The following AQR variants were observed in gnomAD, a reference collection of about 807,000 sequenced individuals.
AQR encodes RNA helicase aquarius.
Under a neutral mutation model 180.5 loss-of-function variants are expected in AQR, and 61 were observed. That is an observed-to-expected ratio of 0.34 (90% CI 0.28 to 0.42). The LOEUF (loss-of-function observed/expected upper bound fraction) is 0.42. AQR is among the 10% of genes least tolerant of loss of function. The probability of loss-of-function intolerance (pLI) is 1.00; values close to 1 mark genes in which losing one functional copy is unlikely to be tolerated. For missense variants in AQR, 1,281 were observed against 1,798.3 expected (o/e 0.71, Z 5.20); for synonymous variants, 551 against 588.8 (o/e 0.94, Z 0.93).
At chr15:34,947,245 TC>T (rs1404401948) in intron 5 of AQR, among the ~76,000 whole-genome samples, 8 of 151,834 alleles carry the variant, frequency 5.3e-5, no homozygotes, top group Non-Finnish European at 1.2e-4. Context: ...ATGTGCTGTA[TC>T]CACTCAGGGT....
intron 17 of AQR, among the ~76,000 whole-genome samples, chr15:34,908,305 C>T (rs1893449754): frequency 2.0e-5 from 3 of 151,920 alleles, no homozygotes; most frequent in Non-Finnish European, 2.9e-5. Context: ...GGCGTGGTGG[C>T]GGGTGCCTGT....
intron 3 of AQR, among the ~76,000 whole-genome samples, chr15:34,953,172 T>C (rs1051374903): frequency 1.3e-5 from 2 of 152,228 alleles, no homozygotes; most frequent in African/African-American, 2.4e-5. Context: ...CATATCTATA[T>C]TGCAAATGTG....
At chr15:34,886,743 A>C in intron 24 of AQR, 82 bp from the exon 25 acceptor site, 1 of 1,387,572 alleles carries the variant, frequency 7.2e-7, no homozygotes, top group Non-Finnish European at 9.7e-7. Flanking sequence ...CAAGAAAATC[A>C]TAATAGCAAA....
At chr15:34,926,852 C>T (rs996954663) in intron 13 of AQR, among the ~76,000 whole-genome samples, 183 bp downstream of exon 13, 1 of 152,094 alleles carries the variant, frequency 6.6e-6, no homozygotes, top group African/African-American at 2.4e-5. Context: ...CTTTACCAAA[C>T]GTGGGTAAGT....
chr15:34,948,190 A>C, intron 5 of AQR, 74 bp downstream of exon 5: 1 of 1,527,644 alleles, frequency 6.5e-7, no homozygotes, highest in Non-Finnish European at 8.8e-7. Flanking sequence ...CACCACTATC[A>C]GTAAAAGTTC....
At chr15:34,890,885 T>C (rs1025740374) in intron 23 of AQR, among the ~76,000 whole-genome samples, 4 of 152,336 alleles carry the variant, frequency 2.6e-5, no homozygotes, top group African/African-American at 9.6e-5. Flanking sequence ...TTTCTATCTG[T>C]GAAATGTTCA....
chr15:34,906,443 G>T, intron 18 of AQR, 102 bp downstream of exon 18: 1 of 1,401,556 alleles, frequency 7.1e-7, no homozygotes, highest in Non-Finnish European at 9.7e-7. Flanking sequence ...AATTTAGTAG[G>T]TAAAAGAACT....
intron 16 of AQR, among the ~76,000 whole-genome samples, chr15:34,913,964 A>T (rs1893538707): frequency 6.6e-6 from 1 of 152,230 alleles, no homozygotes. Flanking sequence ...ACAATTAATT[A>T]AAAAATAGAA....
intron 13 of AQR, among the ~76,000 whole-genome samples, chr15:34,921,972 G>A (rs745801772): frequency 8.5e-5 from 13 of 152,118 alleles, no homozygotes; most frequent in South Asian, 6.2e-4. Flanking sequence ...CACCACACTC[G>A]GCTAAATTTT....
At chr15:34,959,661 T>G (rs1227318396) in intron 3 of AQR, among the ~76,000 whole-genome samples, 1 of 152,216 alleles carries the variant, frequency 6.6e-6, no homozygotes, top group Non-Finnish European at 1.5e-5. Context: ...AGCAAAAAAT[T>G]TTAGGATCAT....
Position 34,856,953 on chromosome 15 carries a change from A to C in AQR, c.4297T>G (p.Phe1433Val). The C allele has an allele frequency of 6.2e-7, 1 of 1,614,112 alleles. No homozygotes were observed. The highest frequency in any genetic ancestry group is 1.3e-5 in the African/African-American group (1 of 75,034). ...TCACTGGGGGTGGTGTCAGTTTGAA[A>C]GGCTGGAGTTTCTTGACGGCAGCTG... ...DTSCRQETPAFQTDTTPSETG... is the reference protein window; with the variant it reads ...DTSCRQETPAVQTDTTPSETG... The change falls in exon 35 of 35, where the codon TTT becomes GTT. Residue 1433 changes from phenylalanine to valine, a missense_variant. Coordinates refer to ENST00000156471, the MANE Select transcript of AQR (RefSeq NM_014691.3).
intron 5 of AQR, among the ~76,000 whole-genome samples, chr15:34,947,073 G>A (rs1427352086): frequency 6.6e-6 from 1 of 152,230 alleles, no homozygotes; most frequent in Non-Finnish European, 1.5e-5. Flanking sequence ...TAGAAAGAGG[G>A]GAAAGGTGGG....
chr15:34,966,032 G>A (rs534759123), intron 1 of AQR, among the ~76,000 whole-genome samples: 5 of 152,136 alleles, frequency 3.3e-5, no homozygotes, highest in South Asian at 2.1e-4. Context: ...CAAATATCAC[G>A]ATCTCACAGT....
chr15:34,897,780 G>C, intron 20 of AQR, 75 bp from the exon 21 acceptor site: 11 of 1,448,896 alleles, frequency 7.6e-6, no homozygotes, highest in Non-Finnish European at 1.1e-5. Flanking sequence ...GCATGACATT[G>C]TATGCACGAT....
chr15:34,934,812 A>T (rs554711484), intron 9 of AQR, among the ~76,000 whole-genome samples, 177 bp from the exon 10 acceptor site: 8 of 152,278 alleles, frequency 5.3e-5, no homozygotes, highest in Non-Finnish European at 1.2e-4. Context: ...GGAAGGCCTT[A>T]CCCTGATACT....
Position 34,929,910 on chromosome 15 carries a change from T to C in AQR, c.1014+348A>G, listed in dbSNP as rs953648448. On this transcript the variant is annotated intron_variant, in intron 12 of 34. Coordinates refer to ENST00000156471, the MANE Select transcript of AQR (RefSeq NM_014691.3). ...TGGTAAATTTCAGTCCCATCATATG[T>C]GTTCATCTTAAAAATGTGCAAAATG... Among the ~76,000 whole-genome samples the C allele has an allele frequency of 8.5e-5, 13 of 152,336 alleles. 3 individuals carry two copies. Among genetic ancestry groups the C allele is most frequent in the Admixed American group, 2.6e-4 (4 of 15,292 alleles).
chr15:34,893,607 G>GCACACACACACA lies in AQR; in HGVS notation c.2571+44_2571+55dup, dbSNP rs386382691. The GCACACACACACA allele has an allele frequency of 6.6e-4, 661 of 999,544 alleles. 7 individuals carry two copies. The highest frequency in any genetic ancestry group is 4.2e-3 in the East Asian group (147 of 35,138). The allele number at this position is 999,544 out of a possible 1,614,324, so 61.9% of individuals were successfully genotyped here. A position where few individuals can be genotyped will look rare whatever the true frequency, so the allele number is the denominator to read the frequency against. ...CATACCCATGTGCATGCGCATGCGT[G>GCACACACACACA]CACACACACACACACACACACACAC... is the stretch of plus-strand genomic sequence containing the variant. On this transcript the variant is annotated intron_variant, in intron 23 of 34. Coordinates refer to ENST00000156471, the MANE Select transcript of AQR (RefSeq NM_014691.3).
chr15:34,956,005 T>C (rs1028191430), intron 3 of AQR, among the ~76,000 whole-genome samples: 3 of 151,982 alleles, frequency 2.0e-5, no homozygotes, highest in African/African-American at 4.8e-5. Flanking sequence ...AATTATAGTG[T>C]TCTTGTTTGC....
chr15:34,950,482 G>A (rs767310227), intron 4 of AQR, among the ~76,000 whole-genome samples: 36 of 151,316 alleles, frequency 2.4e-4, no homozygotes, highest in Admixed American at 5.3e-4. Context: ...CTTTACCTGC[G>A]TCTAACATGT....
Sources: gnomAD v4.1 joint callset for allele counts (sites outside exome capture counted in the v4.1 genomes callset) on GRCh38, gnomAD v4.1.1 for gene constraint, MANE v1.5 for transcripts, NCBI Gene and HGNC (gene_info 2026-07-23, HGNC 2026-07-21) for gene names.